ANK2: variants seen among roughly 807,000 people sequenced by gnomAD.
ANK2 encodes the protein ankyrin 2, also known as ankyrin-2.
In ANK2, 83 loss-of-function variants were observed where a neutral mutation model predicts 360.5. That is an observed-to-expected ratio of 0.23 (90% confidence interval 0.19 to 0.28). ANK2 has a LOEUF of 0.28. Ranked by LOEUF, ANK2 falls within the 10% of genes least tolerant of loss-of-function variation. ANK2 has a pLI of 1.00. For synonymous variants in ANK2, 1,740 were observed against 1,759.5 expected (o/e 0.99, Z 0.28); for missense variants, 4,201 against 4,795.7 (o/e 0.88, Z 3.66).
intron 1 of ANK2, among the ~76,000 whole-genome samples, chr4:112,878,486 C>A (rs922373803): frequency 2.0e-5 from 3 of 151,964 alleles, no homozygotes; most frequent in African/African-American, 7.3e-5. Context: ...GCCACCACGC[C>A]CAGTTAATTT....
At chr4:112,784,269 C>T in the ANK2 span, among the ~76,000 whole-genome samples, 4 of 151,146 alleles carry the variant, frequency 2.6e-5, no homozygotes, top group East Asian at 7.8e-4. Context: ...ACCACAGCCT[C>T]GATCTCCCAG....
At chr4:113,240,405 G>A in intron 7 of ANK2, 80 bp from the exon 8 acceptor site, 1 of 1,053,376 alleles carries the variant, frequency 9.5e-7, no homozygotes, top group South Asian at 1.3e-5. Flanking sequence ...CTTTTACCAT[G>A]TGACCTTCTT....
chr4:113,288,245 A>C, intron 19 of ANK2, 143 bp from the exon 20 acceptor site: 1 of 736,338 alleles, frequency 1.4e-6, no homozygotes, highest in Non-Finnish European at 2.2e-6. Flanking sequence ...GGGCACATAT[A>C]TAATCTGCTA....
chr4:113,174,381 A>G, intron 1 of ANK2, 35 bp from the exon 2 acceptor site: 1 of 1,516,630 alleles, frequency 6.6e-7, no homozygotes, highest in Non-Finnish European at 9.1e-7. Flanking sequence ...CTATTTCATC[A>G]ATAGTTCATT....
intron 2 of ANK2, among the ~76,000 whole-genome samples, chr4:112,978,949 A>G (rs2042262587): frequency 1.3e-5 from 2 of 152,230 alleles, no homozygotes. Context: ...TGTGAGCTTG[A>G]GTAGATTATT....
At chr4:113,118,296 C>A (rs192767337) in intron 1 of ANK2, among the ~76,000 whole-genome samples, 2 of 152,144 alleles carry the variant, frequency 1.3e-5, no homozygotes, top group Non-Finnish European at 1.5e-5. Context: ...ATTACATTAG[C>A]AGAGCATTAA....
chr4:113,145,604 G>T lies in ANK2; in HGVS notation c.85-28812G>T. 1.7e-5 allele frequency: 18 copies of T among 1,077,386 alleles called. 1 individual carries two copies. The South Asian group carries it at 4.6e-4, about 28-fold the overall frequency. The allele number at this position is 1,077,386 out of a possible 1,614,324, so 66.7% of individuals were successfully genotyped here. On this transcript the variant is annotated intron_variant, in intron 1 of 45. Transcript: ENST00000357077. ...CTCCATTGACATGCATAGCTGGCCT[G>T]GTAGGTGTAAAAATAGACTGGCAGC...
intron 2 of ANK2, among the ~76,000 whole-genome samples, chr4:112,960,952 C>T (rs965146984): frequency 6.6e-6 from 1 of 151,936 alleles, no homozygotes; most frequent in Non-Finnish European, 1.5e-5. Flanking sequence ...AATAATCAGA[C>T]TTGTAAGGTA....
chr4:112,883,583 G>A (rs998736219), intron 1 of ANK2, among the ~76,000 whole-genome samples: 3 of 151,952 alleles, frequency 2.0e-5, no homozygotes, highest in Admixed American at 6.6e-5. Flanking sequence ...GAAATTCATC[G>A]AAATCTTTAA....
intron 18 of ANK2, among the ~76,000 whole-genome samples, chr4:113,284,315 G>A (rs573633138): frequency 6.6e-6 from 1 of 152,290 alleles, no homozygotes; most frequent in African/African-American, 2.4e-5. Context: ...TAGTATTAGT[G>A]TATGAAGGGG....
chr4:113,081,094 G>T (rs183237872), intron 1 of ANK2, among the ~76,000 whole-genome samples: 1 of 152,026 alleles, frequency 6.6e-6, no homozygotes, highest in South Asian at 2.1e-4. Flanking sequence ...TCCAGAAATC[G>T]ATCATTTTGT....
intron 11 of ANK2, among the ~76,000 whole-genome samples, chr4:113,256,813 T>C (rs1389391616): frequency 6.6e-6 from 1 of 152,228 alleles, no homozygotes; most frequent in Non-Finnish European, 1.5e-5. Context: ...TTGGAATCAA[T>C]TTATTGATAA....
chr4:113,306,998 G>A (rs3025705), intron 23 of ANK2, among the ~76,000 whole-genome samples: 17,207 of 152,184 alleles, frequency 0.11, 1,029 homozygotes, highest in African/African-American at 0.11. Context: ...CCCTGTCTTC[G>A]CTGACTTGGC....
At chr4:113,371,585 G>A (rs1221622581) in intron 43 of ANK2, among the ~76,000 whole-genome samples, 7 of 152,072 alleles carry the variant, frequency 4.6e-5, no homozygotes, top group Non-Finnish European at 1.0e-4. Context: ...AGGCCTGTTC[G>A]ACTTATTCTT....
chr4:113,354,948 G>T lies in ANK2; in HGVS notation c.6330G>T (p.Val2110=), dbSNP rs767101935. The T allele has an allele frequency of 6.2e-7, 1 of 1,614,024 alleles. No individual in the cohort carries two copies. Among genetic ancestry groups the T allele is most frequent in the Non-Finnish European group, 8.5e-7 (1 of 1,179,976 alleles). ...AAGAAAGCCACAGAGAGAGCGAAGTGCCCAAAGAAAAGATGGCTGATGAGC... is the reference window on the plus strand; with the variant it reads ...AAGAAAGCCACAGAGAGAGCGAAGTTCCCAAAGAAAAGATGGCTGATGAGC... The part of the protein sequence containing the change: ...PEEESHRESE[V]PKEKMADEQG... Residue 2110 remains valine (V), a synonymous_variant, in exon 38 of 46, where the codon GTG becomes GTT. Coordinates refer to ENST00000357077, the MANE Select transcript of ANK2 (RefSeq NM_001148.6).
At chr4:113,208,827 G>A (rs1270371736) in intron 4 of ANK2, among the ~76,000 whole-genome samples, 1 of 151,940 alleles carries the variant, frequency 6.6e-6, no homozygotes, top group South Asian at 2.1e-4. Context: ...TTGGTGAGGA[G>A]AGTAAGAGAT....
intron 2 of ANK2, among the ~76,000 whole-genome samples, chr4:113,186,882 A>C (rs2098539608): frequency 6.6e-6 from 1 of 152,136 alleles, no homozygotes; most frequent in African/African-American, 2.4e-5. Context: ...GCATATGTGC[A>C]AGTGTAGAGC....
At chr4:113,017,356 AT>A (rs1326419662) in intron 2 of ANK2, among the ~76,000 whole-genome samples, 1 of 151,594 alleles carries the variant, frequency 6.6e-6, no homozygotes, top group Non-Finnish European at 1.5e-5. Flanking sequence ...GCTCTACAGA[AT>A]TTTTTTTAAT....
chr4:113,363,527 C>T lies in ANK2; in HGVS notation c.10888+58C>T, dbSNP rs542508577. 59 of 1,600,210 alleles carry T rather than the reference C, an allele frequency of 3.7e-5. No individual in the cohort carries two copies. The East Asian group carries it at 8.7e-4, about 24-fold the overall frequency. On this transcript the variant is annotated intron_variant, in intron 40 of 45. Transcript: ENST00000357077. ...AGTTGGACATGTCTTGCTCAACAACCGCATCTTGCAAATTCAGTAGAATAG... is the reference window on the plus strand; with the variant it reads ...AGTTGGACATGTCTTGCTCAACAACTGCATCTTGCAAATTCAGTAGAATAG...
Sources: gnomAD v4.1 joint callset for allele counts (sites outside exome capture counted in the v4.1 genomes callset) on GRCh38, gnomAD v4.1.1 for gene constraint, MANE v1.5 for transcripts, NCBI Gene and HGNC (gene_info 2026-07-23, HGNC 2026-07-21) for gene names.